The following FAM227B variants were observed in gnomAD, a reference collection of about 807,000 sequenced individuals.
FAM227B encodes protein FAM227B.
A neutral mutation model predicts 73.8 loss-of-function variants in FAM227B; 88 were observed. That is an observed-to-expected ratio of 1.19 (90% CI 1.00 to 1.42). The LOEUF is 1.42. Among genes scored for constraint, FAM227B ranks in the 40% most tolerant of loss-of-function variants. The pLI is 0.00. For synonymous variants in FAM227B, 210 were observed against 190.5 expected, an observed-to-expected ratio of 1.10 and a Z score of -0.84; for missense variants, 632 against 590.9, an observed-to-expected ratio of 1.07 and a Z score of -0.72.
At chr15:49,371,423 T>G in intron 11 of FAM227B, 24 bp from the exon 12 acceptor site, 1 of 1,394,450 alleles carries the variant, frequency 7.2e-7, no homozygotes, top group Non-Finnish European at 9.9e-7. Flanking sequence ...TAAAATACTT[T>G]TTAAAATTCT....
intron 3 of FAM227B, 55 bp from the exon 4 acceptor site, chr15:49,590,062 A>C (rs2076432246): frequency 1.1e-6 from 1 of 915,528 alleles, no homozygotes; most frequent in Admixed American, 2.1e-5. Context: ...ATGAATTTAA[A>C]TAATAGAGTT....
chr15:49,409,443 C>A (rs967626119), intron 11 of FAM227B, among the ~76,000 whole-genome samples: 1 of 151,584 alleles, frequency 6.6e-6, no homozygotes, highest in African/African-American at 2.4e-5. Flanking sequence ...GTTTCTTCAT[C>A]TGGAAAATGA....
chr15:49,328,577 T>G lies in FAM227B; in HGVS notation c.1518A>C (p.Glu506Asp), dbSNP rs1220040427. The stretch of plus-strand genomic sequence containing the variant: ...TCATTTCTGGTTTCTCTTAGTATTC[T>G]TCTTCCTCAAAGTTGTAGTTGTCTG... ...SSTDNYNFEE[E>D]EY is the part of the protein sequence containing the mutation. Residue 506 changes from glutamate (E) to aspartate (D), a missense_variant, in exon 16 of 16, where the codon GAA becomes GAC. Glu to Asp is a conservative substitution (Grantham distance 45). Coordinates refer to ENST00000299338, the MANE Select transcript of FAM227B (RefSeq NM_152647.3). 11 of 1,602,676 alleles carry G rather than the reference T, an allele frequency of 6.9e-6. No homozygotes were observed. In the South Asian group the frequency reaches 1.1e-4, roughly 16 times the overall value.
chr15:49,474,416 C>G (rs1386714584), intron 11 of FAM227B, among the ~76,000 whole-genome samples: 1 of 152,092 alleles, frequency 6.6e-6, no homozygotes. Flanking sequence ...GTAACACAAT[C>G]AGAGCTACTT....
At chr15:49,473,773 A>G (rs1262078292) in intron 11 of FAM227B, among the ~76,000 whole-genome samples, 1 of 152,106 alleles carries the variant, frequency 6.6e-6, no homozygotes, top group African/African-American at 2.4e-5. Context: ...CCAAAACTAG[A>G]TTTTGTCATC....
intron 11 of FAM227B, among the ~76,000 whole-genome samples, chr15:49,374,953 C>T (rs2046065462): frequency 1.3e-5 from 2 of 152,202 alleles, no homozygotes; most frequent in Non-Finnish European, 2.9e-5. Flanking sequence ...TGATCATCTG[C>T]AGGCCCAGTC....
intron 11 of FAM227B, among the ~76,000 whole-genome samples, chr15:49,430,858 A>G (rs1167693987): frequency 1.3e-5 from 2 of 151,930 alleles, no homozygotes; most frequent in Non-Finnish European, 2.9e-5. Context: ...AAATTTCAAC[A>G]TGAGTTTTGG....
intron 11 of FAM227B, among the ~76,000 whole-genome samples, chr15:49,495,983 A>G (rs2057566142): frequency 6.6e-6 from 1 of 152,132 alleles, no homozygotes; most frequent in Admixed American, 6.5e-5. Flanking sequence ...AGATCCCACC[A>G]CTGCACTTCA....
chr15:49,591,623 T>C (rs1185322709), intron 3 of FAM227B, among the ~76,000 whole-genome samples: 1 of 150,452 alleles, frequency 6.6e-6, no homozygotes, highest in African/African-American at 2.4e-5. Flanking sequence ...GTAGCTGGGA[T>C]TACAGGCACG....
intron 11 of FAM227B, among the ~76,000 whole-genome samples, chr15:49,412,366 A>G (rs776713005): frequency 3.9e-5 from 6 of 152,000 alleles, no homozygotes; most frequent in Non-Finnish European, 8.8e-5. Context: ...CTCTACTACT[A>G]TGTTTCTCTG....
chr15:49,504,391 G>A (rs144722130), intron 11 of FAM227B, among the ~76,000 whole-genome samples: 4,198 of 150,410 alleles, frequency 0.028, 132 homozygotes, highest in South Asian at 0.036. Flanking sequence ...AAACCTGCAC[G>A]TTGTGCACAT....
intron 3 of FAM227B, among the ~76,000 whole-genome samples, chr15:49,598,666 C>T (rs901755171): frequency 6.6e-6 from 1 of 151,852 alleles, no homozygotes; most frequent in Non-Finnish European, 1.5e-5. Context: ...TGAAGCAATG[C>T]TAAATTTTGT....
At chr15:49,420,879 T>C (rs1597074418) in intron 11 of FAM227B, among the ~76,000 whole-genome samples, 1 of 152,114 alleles carries the variant, frequency 6.6e-6, no homozygotes, top group South Asian at 2.1e-4. Flanking sequence ...CTAATTTTTT[T>C]GTATTTTTAG....
chr15:49,371,027 C>T (rs779316384), intron 12 of FAM227B, among the ~76,000 whole-genome samples: 19 of 152,006 alleles, frequency 1.2e-4, no homozygotes, highest in Non-Finnish European at 2.2e-4. Context: ...CTTTGTATGT[C>T]AACCAAAGGA....
At chr15:49,478,148 T>C (rs189324647) in intron 11 of FAM227B, among the ~76,000 whole-genome samples, 100 of 152,290 alleles carry the variant, frequency 6.6e-4, no homozygotes, top group Non-Finnish European at 1.3e-3. Flanking sequence ...TAGCTCCCAC[T>C]TATAAGGGAA....
At chr15:49,524,739 G>T (rs924281925) in intron 10 of FAM227B, among the ~76,000 whole-genome samples, 1 of 152,230 alleles carries the variant, frequency 6.6e-6, no homozygotes, top group African/African-American at 2.4e-5. Flanking sequence ...GTATGGAACT[G>T]CCCAAGCCTG....
At chr15:49,503,099 A>G (rs563276188) in intron 11 of FAM227B, among the ~76,000 whole-genome samples, 5 of 152,368 alleles carry the variant, frequency 3.3e-5, no homozygotes, top group African/African-American at 1.2e-4. Flanking sequence ...GGAACAGAAC[A>G]GAGCCCTCAG....
At chr15:49,618,286 C>T (rs2078427427) in intron 1 of FAM227B, among the ~76,000 whole-genome samples, 1 of 152,028 alleles carries the variant, frequency 6.6e-6, no homozygotes, top group East Asian at 1.9e-4. Context: ...GGATCTAACA[C>T]ACAGGAGAGC....
At chr15:49,352,142 T>C (rs557093431) in intron 13 of FAM227B, among the ~76,000 whole-genome samples, 15 of 152,282 alleles carry the variant, frequency 9.9e-5, no homozygotes, top group African/African-American at 3.4e-4. Context: ...AGACTCTCCA[T>C]ATGGTCTGAA....
Sources: gnomAD v4.1 joint callset for allele counts (sites outside exome capture counted in the v4.1 genomes callset) on GRCh38, gnomAD v4.1.1 for gene constraint, MANE v1.5 for transcripts, NCBI Gene and HGNC (gene_info 2026-07-23, HGNC 2026-07-21) for gene names.